Variants in PTPRN2 observed in about 807,000 individuals in gnomAD.
PTPRN2 encodes protein tyrosine phosphatase receptor type N2.
A neutral mutation model predicts 118.8 loss-of-function variants in PTPRN2; 74 were observed. The observed-to-expected ratio is 0.62, with a 90% CI of 0.52 to 0.76. The LOEUF is 0.76. PTPRN2 is among the 30% of genes least tolerant of loss of function. PTPRN2 has a pLI of 0.00. For synonymous variants in PTPRN2, 641 were observed against 608.0 expected (o/e 1.05, Z -0.80); for missense variants, 1,481 against 1,394.4 (o/e 1.06, Z -0.99).
intron 11 of PTPRN2, among the ~76,000 whole-genome samples, chr7:158,074,298 G>A (rs1016450071): frequency 2.6e-5 from 4 of 152,176 alleles, no homozygotes; most frequent in Non-Finnish European, 2.9e-5. Flanking sequence ...TGGGCGTTCC[G>A]TGGAGAGAAC....
At chr7:158,091,115 A>C (rs1318179476) in intron 10 of PTPRN2, among the ~76,000 whole-genome samples, 1 of 152,262 alleles carries the variant, frequency 6.6e-6, no homozygotes, top group Non-Finnish European at 1.5e-5. Context: ...AGTAACGACT[A>C]TACAGTCGAT....
chr7:158,448,006 AG>A (rs1817845693), intron 2 of PTPRN2, among the ~76,000 whole-genome samples: 1 of 152,226 alleles, frequency 6.6e-6, no homozygotes, highest in African/African-American at 2.4e-5. Context: ...GGGCCAGGCC[AG>A]GTGCCGACTC....
chr7:157,556,982 C>G (rs1473584270), intron 21 of PTPRN2, among the ~76,000 whole-genome samples: 1 of 151,130 alleles, frequency 6.6e-6, no homozygotes, highest in South Asian at 2.1e-4. Flanking sequence ...CATGCACACA[C>G]AATGTCATAC....
Position 157,539,662 on chromosome 7 carries a change from C to T in PTPRN2, c.*1052G>A, listed in dbSNP as rs543722427. ...GCCGGTCGGCTGGTTTCTCACTTCCCTTCCAGGCTCTACGCAGTGCGTGCA... is the reference window on the plus strand; with the variant it reads ...GCCGGTCGGCTGGTTTCTCACTTCCTTTCCAGGCTCTACGCAGTGCGTGCA... On this transcript the variant is annotated 3_prime_UTR_variant, in exon 23 of 23. Coordinates refer to ENST00000389418, the MANE Select transcript of PTPRN2 (RefSeq NM_002847.5). The T allele has an allele frequency of 6.6e-6, 1 of 151,736 alleles. No individual in the cohort carries two copies. The highest frequency in any genetic ancestry group is 1.5e-5 in the Non-Finnish European group (1 of 68,058). The allele number at this position is 151,736 out of a possible 1,614,324, so 9.4% of individuals were successfully genotyped here.
chr7:157,612,074 C>G (rs929812604), intron 15 of PTPRN2, among the ~76,000 whole-genome samples: 2 of 152,212 alleles, frequency 1.3e-5, no homozygotes, highest in African/African-American at 2.4e-5. Flanking sequence ...TCTGTCCCTG[C>G]AGCCCTCCAG....
intron 12 of PTPRN2, among the ~76,000 whole-genome samples, chr7:157,721,881 C>T (rs1395154205): frequency 1.3e-5 from 2 of 152,214 alleles, no homozygotes; most frequent in African/African-American, 2.4e-5. Flanking sequence ...GCATTCTAAA[C>T]CTCCTTCCTT....
intron 5 of PTPRN2, among the ~76,000 whole-genome samples, chr7:158,174,378 C>T (rs1823994244): frequency 6.6e-6 from 1 of 152,048 alleles, no homozygotes; most frequent in Non-Finnish European, 1.5e-5. Context: ...GCAGCATCCC[C>T]ACCATCATCA....
rs533893158 is a variant in PTPRN2 at position 158,213,660 on chromosome 7, TG to T, written c.278-8388del. On this transcript the variant is annotated intron_variant, in intron 3 of 22. Coordinates refer to ENST00000389418, the MANE Select transcript of PTPRN2 (RefSeq NM_002847.5). Reference sequence around the variant, plus strand: ...AAACACCCACTATGAAATGTACTTTTGTTTATATAGCTATTTCTGATCCATT... The same window carrying T: ...AAACACCCACTATGAAATGTACTTTTTTTATATAGCTATTTCTGATCCATT... 4.3e-4 allele frequency among the ~76,000 whole-genome samples: 65 copies of T among 152,312 alleles called. 1 individual carries two copies. In the South Asian group the frequency reaches 0.012, roughly 29 times the overall value.
At chr7:157,829,252 G>C (rs1433232808) in intron 12 of PTPRN2, among the ~76,000 whole-genome samples, 1 of 152,232 alleles carries the variant, frequency 6.6e-6, no homozygotes, top group Non-Finnish European at 1.5e-5. Flanking sequence ...AAAAAGGCAA[G>C]GGTCCCGTCT....
At chr7:158,186,142 T>C (rs1048566315) in intron 5 of PTPRN2, among the ~76,000 whole-genome samples, 2 of 152,182 alleles carry the variant, frequency 1.3e-5, no homozygotes, top group Non-Finnish European at 1.5e-5. Context: ...CCTCAAGAGT[T>C]TCTTAAAATT....
intron 9 of PTPRN2, among the ~76,000 whole-genome samples, chr7:158,113,169 G>A (rs530251991): frequency 6.6e-6 from 1 of 152,260 alleles, no homozygotes; most frequent in East Asian, 1.9e-4. Context: ...GCCTCAGATT[G>A]GTCCAGAGAG....
chr7:157,588,577 C>T (rs1800808419), intron 17 of PTPRN2, among the ~76,000 whole-genome samples: 1 of 152,250 alleles, frequency 6.6e-6, no homozygotes, highest in East Asian at 1.9e-4. Flanking sequence ...ACCTTGCTTC[C>T]CCGTGGGGAA....
intron 9 of PTPRN2, among the ~76,000 whole-genome samples, chr7:158,125,360 G>A (rs536388052): frequency 1.0e-4 from 15 of 145,288 alleles, no homozygotes; most frequent in South Asian, 4.5e-4. Flanking sequence ...CCCCTGCCTC[G>A]CGTCCCTCCC....
At chr7:158,271,301 A>G (rs1014407734) in intron 3 of PTPRN2, among the ~76,000 whole-genome samples, 2 of 152,242 alleles carry the variant, frequency 1.3e-5, no homozygotes, top group South Asian at 2.1e-4. Flanking sequence ...TGATGCACAT[A>G]TATCCTCTCC....
At chr7:157,875,446 C>G (rs866257334) in intron 12 of PTPRN2, among the ~76,000 whole-genome samples, 1 of 152,196 alleles carries the variant, frequency 6.6e-6, no homozygotes, top group Non-Finnish European at 1.5e-5. Flanking sequence ...GAAGTGGCAG[C>G]CACGGAAGCT....
At chr7:158,414,339 C>T (rs371158909) in intron 2 of PTPRN2, among the ~76,000 whole-genome samples, 21 of 152,264 alleles carry the variant, frequency 1.4e-4, no homozygotes, top group East Asian at 3.9e-4. Context: ...GCAGAATTAA[C>T]GGGCTGGAGC....
intron 12 of PTPRN2, among the ~76,000 whole-genome samples, chr7:157,798,604 G>A (rs896162159): frequency 1.3e-5 from 2 of 152,080 alleles, no homozygotes; most frequent in South Asian, 2.1e-4. Context: ...ATTCCCCTGG[G>A]CAGGTTATTT....
chr7:157,718,651 C>A (rs1359682684), intron 12 of PTPRN2, among the ~76,000 whole-genome samples: 2 of 151,306 alleles, frequency 1.3e-5, no homozygotes, highest in Non-Finnish European at 3.0e-5. Context: ...TGAGTCTCAG[C>A]ATGTCCAGGC....
intron 11 of PTPRN2, among the ~76,000 whole-genome samples, chr7:158,048,868 CATCACATT>C (rs1193877459): frequency 2.2e-5 from 1 of 44,796 alleles, no homozygotes; most frequent in Non-Finnish European, 4.7e-5. Flanking sequence ...TCACTATCAC[CATCACATT>C]ACCACCACCA....
Sources: gnomAD v4.1 joint callset for allele counts (sites outside exome capture counted in the v4.1 genomes callset) on GRCh38, gnomAD v4.1.1 for gene constraint, MANE v1.5 for transcripts, NCBI Gene and HGNC (gene_info 2026-07-23, HGNC 2026-07-21) for gene names.